The following CEP164 variants were observed in gnomAD, a reference collection of about 807,000 sequenced individuals.
CEP164 encodes the protein centrosomal protein 164, also known as centrosomal protein of 164 kDa.
In CEP164, 162 loss-of-function variants were observed where a neutral mutation model predicts 182.7. The observed-to-expected ratio is 0.89, with a 90% CI of 0.78 to 1.01. The LOEUF (loss-of-function observed/expected upper bound fraction) is 1.01, where lower values mean the gene tolerates loss of function less well. CEP164 is among the 50% of genes least tolerant of loss of function. The pLI is 0.00. For missense variants in CEP164, 1,735 were observed against 1,790.4 expected, an observed-to-expected ratio of 0.97 and a Z score of 0.56; for synonymous variants, 661 against 690.0, an observed-to-expected ratio of 0.96 and a Z score of 0.66.
chr11:117,351,829 C>T lies in CEP164; in HGVS notation c.234C>T (p.Ala78=). 1 of 1,613,860 alleles carries T rather than the reference C, an allele frequency of 6.2e-7. No individual in the cohort carries two copies. ...GTGACATTTACTATTTCAACTTCGCCAACGGGCAGTCTATGTGGGACCATC... is the reference window on the plus strand; with the variant it reads ...GTGACATTTACTATTTCAACTTCGCTAACGGGCAGTCTATGTGGGACCATC... ...ITGDIYYFNF[A]NGQSMWDHPC... is the part of the protein sequence containing the mutation. Residue 78 remains alanine (A), a synonymous_variant, in exon 5 of 33, where the codon GCC becomes GCT. Transcript: ENST00000278935.
Position 117,411,279 on chromosome 11 carries a change from G to A in CEP164, c.4163+385G>A, listed in dbSNP as rs1014846700. 4.0e-6 allele frequency: 1 copy of A among 251,256 alleles called. No individual in the cohort carries two copies. The highest frequency in any genetic ancestry group is 2.2e-5 in the African/African-American group (1 of 45,908). 15.6% of individuals were successfully genotyped at this position (251,256 alleles called of 1,614,324 possible). ...CCTTGAGCTCTTGTTTGCTTCCTGT[G>A]GCTCCCTTATTCCCCCAGTCCTGCT... On this transcript the variant is annotated intron_variant, in intron 31 of 32. Coordinates refer to ENST00000278935, the MANE Select transcript of CEP164 (RefSeq NM_014956.5). This position sits in a 1 kb window ranked among gnomAD's most constrained non-coding sequence, Gnocchi z 4.4.
chr11:117,408,077 C>T (rs779467505), intron 28 of CEP164, 45 bp downstream of exon 28: 3 of 1,425,772 alleles, frequency 2.1e-6, no homozygotes, highest in Non-Finnish European at 2.9e-6. Context: ...TGGCCTTCCT[C>T]TTCTGTTCTT....
At chr11:117,336,288 T>C in intron 2 of CEP164, 12 of 1,541,672 alleles carry the variant, frequency 7.8e-6, no homozygotes, top group Non-Finnish European at 1.1e-5. Context: ...TTTTATGAGC[T>C]TTCTTCATTT....
intron 8 of CEP164, among the ~76,000 whole-genome samples, chr11:117,366,783 T>C (rs1466459844): frequency 1.3e-5 from 2 of 152,208 alleles, no homozygotes; most frequent in Admixed American, 1.3e-4. Context: ...GTTCAGCTCC[T>C]TATCCTTCAT....
At position 117,371,464 on chromosome 11, in the gene CEP164, C is replaced by T. The variant is rs1365579934; in HGVS notation, c.1150C>T (p.Gln384Ter). 6.2e-7 allele frequency: 1 copy of T among 1,605,888 alleles called. No homozygotes were observed. Among genetic ancestry groups the T allele is most frequent in the African/African-American group, 1.3e-5 (1 of 74,484 alleles). The change falls in exon 9 of 33, where the codon CAA (glutamine) becomes TAA (stop). Residue 384 changes from glutamine (Q) to a stop codon, truncating the protein, a stop_gained and splice_region_variant. Transcript: ENST00000278935. LOFTEE classifies it high-confidence loss of function. Reference sequence around the variant, plus strand: ...GGAAGAGGGCAGTTCAGACGCCAGCCAAGTAAGTCACTGTATCCCATAGGC... The same window carrying T: ...GGAAGAGGGCAGTTCAGACGCCAGCTAAGTAAGTCACTGTATCCCATAGGC... ...ALEEGSSDASQELEISEHMKE... is the reference protein window; with the variant it reads ...ALEEGSSDAS
At chr11:117,355,127 A>G (rs1047117049) in intron 5 of CEP164, 1 of 1,289,692 alleles carries the variant, frequency 7.8e-7, no homozygotes, top group African/African-American at 1.5e-5. Flanking sequence ...CCTTCCCAGA[A>G]AGCTGCAGCC....
At position 117,411,104 on chromosome 11, in the gene CEP164, G is replaced by A. The variant is rs1020595450; in HGVS notation, c.4163+210G>A. 8 of 555,036 alleles carry A rather than the reference G, an allele frequency of 1.4e-5. No individual in the cohort carries two copies. Among genetic ancestry groups the A allele is most frequent in the Non-Finnish European group, 2.6e-5 (8 of 306,434 alleles). The allele number at this position is 555,036 out of a possible 1,614,324, so 34.4% of individuals were successfully genotyped here. On this transcript the variant is annotated intron_variant, in intron 31 of 32. Transcript: ENST00000278935. The surrounding 1 kb of genome is among the most constrained non-coding windows in gnomAD (Gnocchi z 4.4). ...GGAAAGTCAAGTTCACACCGCCAAG[G>A]TCCCAGTGGGGAAGGGCTGGGCTTA...
At chr11:117,398,649 A>G (rs914449122) in intron 27 of CEP164, among the ~76,000 whole-genome samples, 1 of 152,234 alleles carries the variant, frequency 6.6e-6, no homozygotes, top group African/African-American at 2.4e-5. Context: ...CGCAGGCTCA[A>G]CACCACATGG....
intron 25 of CEP164, 141 bp downstream of exon 25, chr11:117,396,321 G>A: frequency 1.0e-6 from 1 of 996,948 alleles, no homozygotes; most frequent in Non-Finnish European, 1.5e-6. Flanking sequence ...AGTATAAGGT[G>A]GGCCAAGGCA....
chr11:117,391,221 C>T lies in CEP164; in HGVS notation c.2283+6C>T. ...TGGAAGGGGAGAGGAAAGAAGTGAG[C>T]TAGTCAAGTGGGGACCTCACCCTCT... On this transcript the variant is annotated splice_donor_region_variant and intron_variant, in intron 17 of 32. Transcript: ENST00000278935. The T allele has an allele frequency of 6.2e-7, 1 of 1,602,210 alleles. No homozygotes were observed. The highest frequency in any genetic ancestry group is 8.5e-7 in the Non-Finnish European group (1 of 1,175,156).
In CEP164 at chr11:117,387,421, C is replaced by T; in HGVS notation, c.1934+9C>T. The T allele has an allele frequency of 6.2e-7, 1 of 1,613,642 alleles. No homozygotes were observed. Among genetic ancestry groups the T allele is most frequent in the Non-Finnish European group, 8.5e-7 (1 of 1,179,762 alleles). Reference sequence around the variant, plus strand: ...AAAGAGCAATCTCTCAGGTCCTGCCCTTCCCCTTAGGCATGCTTCCTGGGG... The same window carrying T: ...AAAGAGCAATCTCTCAGGTCCTGCCTTTCCCCTTAGGCATGCTTCCTGGGG... On this transcript the variant is annotated intron_variant, in intron 15 of 32. Coordinates refer to ENST00000278935, the MANE Select transcript of CEP164 (RefSeq NM_014956.5).
At chr11:117,354,942 C>A (rs1354796260) in intron 5 of CEP164, 1 of 1,283,646 alleles carries the variant, frequency 7.8e-7, no homozygotes, top group Non-Finnish European at 1.0e-6. Flanking sequence ...GAAACGCAGC[C>A]TGAGGAGGGA....
chr11:117,363,802 C>T lies in CEP164; in HGVS notation c.765+296C>T, dbSNP rs185058956. Among the ~76,000 whole-genome samples, 197 of 131,766 alleles carry T rather than the reference C, an allele frequency of 1.5e-3. 1 individual carries two copies. Among genetic ancestry groups the T allele is most frequent in the African/African-American group, 5.0e-3 (176 of 35,082 alleles). The allele number at this position is 131,766 out of a possible 152,430, so 86.4% of individuals were successfully genotyped here. A position where few individuals can be genotyped will look rare whatever the true frequency, so the allele number is the denominator to read the frequency against. On this transcript the variant is annotated intron_variant, in intron 8 of 32. Coordinates refer to ENST00000278935, the MANE Select transcript of CEP164 (RefSeq NM_014956.5). ...TTTTTTTTTTTAAGAGACAGAGCCT[C>T]ACTCTTTTGCCCAGCTTGGAGTACA...
chr11:117,349,585 A>C (rs931225828), intron 4 of CEP164, among the ~76,000 whole-genome samples: 8 of 152,154 alleles, frequency 5.3e-5, no homozygotes, highest in African/African-American at 1.7e-4. Flanking sequence ...AGCTGGGCTC[A>C]AGGGATCCTC....
intron 26 of CEP164, 62 bp downstream of exon 26, chr11:117,396,673 T>C (rs946610147): frequency 4.3e-5 from 56 of 1,292,828 alleles, no homozygotes; most frequent in Non-Finnish European, 1.4e-5. Context: ...AGTGAGTACC[T>C]GCATCATAGA....
In CEP164 at chr11:117,394,936, A is replaced by T; in HGVS notation, c.2777A>T (p.Asp926Val). The T allele has an allele frequency of 6.2e-7, 1 of 1,614,092 alleles. No homozygotes were observed. The highest frequency in any genetic ancestry group is 8.5e-7 in the Non-Finnish European group (1 of 1,179,998). The change falls in exon 22 of 33, where the codon GAT (aspartate) becomes GTT (valine). Residue 926 changes from aspartate (D) to valine (V), a missense_variant. Coordinates refer to ENST00000278935, the MANE Select transcript of CEP164 (RefSeq NM_014956.5). This position sits in a 1 kb window ranked among gnomAD's most constrained non-coding sequence, Gnocchi z 4.0. ...RHREQERKLQ[D>V]LELDLETRAK... ...TCTGGGCAGGAAAGGAAGCTCCAGG[A>T]TTTAGAGTTGGACCTTGAAACCAGA... is the stretch of plus-strand genomic sequence containing the variant.
At chr11:117,403,402 G>A (rs1199913990) in intron 27 of CEP164, among the ~76,000 whole-genome samples, 1 of 152,152 alleles carries the variant, frequency 6.6e-6, no homozygotes, top group Non-Finnish European at 1.5e-5. Flanking sequence ...TGTCTGTATG[G>A]ATTTTATTTC....
intron 5 of CEP164, chr11:117,356,485 C>G (rs2040310367): frequency 7.8e-7 from 1 of 1,286,820 alleles, no homozygotes; most frequent in African/African-American, 1.5e-5. Flanking sequence ...TGGCCCTCGC[C>G]CCTGCTTGGC....
At chr11:117,337,287 C>T (rs1165849506) in intron 2 of CEP164, among the ~76,000 whole-genome samples, 1 of 152,140 alleles carries the variant, frequency 6.6e-6, no homozygotes, top group Non-Finnish European at 1.5e-5. Flanking sequence ...GCCCCATCTG[C>T]TGCCCTGGTT....
Sources: allele counts gnomAD v4.1 joint callset (sites outside exome capture counted in the v4.1 genomes callset), GRCh38; gene constraint gnomAD v4.1.1; non-coding constraint Gnocchi (gnomAD v3.1); transcripts MANE v1.5; gene names NCBI Gene and HGNC (gene_info 2026-07-23, HGNC 2026-07-21).